The following LMAN1 variants were observed in gnomAD, a reference collection of about 807,000 sequenced individuals.
The protein encoded by LMAN1 is lectin, mannose binding 1.
Under a neutral mutation model 67.8 loss-of-function variants are expected in LMAN1, and 32 were observed. That is an observed-to-expected ratio of 0.47 (90% CI 0.36 to 0.63). The LOEUF (loss-of-function observed/expected upper bound fraction) is 0.63, where lower values mean the gene tolerates loss of function less well. Ranked by LOEUF, LMAN1 falls within the 30% of genes least tolerant of loss-of-function variation. The pLI is 0.00. For synonymous variants in LMAN1, 235 were observed against 219.3 expected (o/e 1.07, Z -0.63); for missense variants, 632 against 628.2 (o/e 1.01, Z -0.06).
At chr18:59,345,297 C>G (rs1356294667) in intron 8 of LMAN1, among the ~76,000 whole-genome samples, 1 of 151,636 alleles carries the variant, frequency 6.6e-6, no homozygotes, top group Non-Finnish European at 1.5e-5. Context: ...ATATAAATTC[C>G]CTCAATTTGG....
intron 8 of LMAN1, among the ~76,000 whole-genome samples, chr18:59,343,556 C>A (rs927561875): frequency 6.6e-6 from 1 of 152,030 alleles, no homozygotes; most frequent in African/African-American, 2.4e-5. Flanking sequence ...GGGGAAAGGA[C>A]ATCCTATTCA....
At chr18:59,351,690 G>GTT (rs1171015958) in intron 5 of LMAN1, 2 of 152,074 alleles carry the variant, frequency 1.3e-5, no homozygotes, top group African/African-American at 4.8e-5. Context: ...TGGGGAGTAC[G>GTT]TTTTGCAAGG....
intron 7 of LMAN1, 53 bp downstream of exon 7, chr18:59,347,460 A>G: frequency 1.5e-6 from 2 of 1,335,836 alleles, no homozygotes; most frequent in Non-Finnish European, 2.1e-6. Flanking sequence ...CAAAACGTTC[A>G]GCTAAAAGGC....
At chr18:59,351,199 T>C (rs1908536265) in intron 5 of LMAN1, among the ~76,000 whole-genome samples, 1 of 152,144 alleles carries the variant, frequency 6.6e-6, no homozygotes, top group African/African-American at 2.4e-5. Context: ...TTTACAATCA[T>C]ATTGATAAGA....
At chr18:59,342,788 G>C (rs922969212) in intron 8 of LMAN1, among the ~76,000 whole-genome samples, 12 of 151,878 alleles carry the variant, frequency 7.9e-5, no homozygotes, top group Admixed American at 2.0e-4. Flanking sequence ...CATAATACTA[G>C]AAGTCTTCAC....
rs1908735872 is a variant in LMAN1 at position 59,359,092 on chromosome 18, G to A, written c.153C>T (p.Ser51=). The part of the protein sequence containing the change: ...LPHRRFEYKY[S]FKGPHLVQSD... Reference sequence around the variant, plus strand: ...TCTGCACCAGGTGCGGCCCCTTGAAGCTGTATTTGTACTCGAAACGGCGAT... The same window carrying A: ...TCTGCACCAGGTGCGGCCCCTTGAAACTGTATTTGTACTCGAAACGGCGAT... The change falls in exon 1 of 13, where the codon AGC becomes AGT. Residue 51 remains serine, a synonymous_variant. Transcript: ENST00000251047. The A allele has an allele frequency of 6.2e-7, 1 of 1,613,982 alleles. No homozygotes were observed. Among genetic ancestry groups the A allele is most frequent in the South Asian group, 1.1e-5 (1 of 91,078 alleles).
rs1209369571 is a variant in LMAN1 at position 59,331,399 on chromosome 18, A to G, written c.1496+19T>C. 1 of 1,600,442 alleles carries G rather than the reference A, an allele frequency of 6.2e-7. No individual in the cohort carries two copies. The highest frequency in any genetic ancestry group is 8.6e-7 in the Non-Finnish European group (1 of 1,168,204). ...CAGATGCAGAAAAATATTGGGTCACATTTTATCAAGAGACTTACCTATACA... is the reference window on the plus strand; with the variant it reads ...CAGATGCAGAAAAATATTGGGTCACGTTTTATCAAGAGACTTACCTATACA... On this transcript the variant is annotated intron_variant, in intron 12 of 12. Coordinates refer to ENST00000251047, the MANE Select transcript of LMAN1 (RefSeq NM_005570.4).
At chr18:59,337,423 T>C (rs1166140108) in intron 10 of LMAN1, among the ~76,000 whole-genome samples, 3 of 152,140 alleles carry the variant, frequency 2.0e-5, no homozygotes, top group African/African-American at 7.2e-5. Context: ...CTGATAAATT[T>C]TGAATAGGTC....
rs564259373 is a variant in LMAN1 at position 59,351,221 on chromosome 18, T to C, written c.639+1981A>G. ...TCATATTGATAAGAAGAGATATACA[T>C]ATAGTTAATAAGCAAATCAGTACAA... On this transcript the variant is annotated intron_variant, in intron 5 of 12. Coordinates refer to ENST00000251047, the MANE Select transcript of LMAN1 (RefSeq NM_005570.4). Among the ~76,000 whole-genome samples, 3 of 152,242 alleles carry C rather than the reference T, an allele frequency of 2.0e-5. No homozygotes were observed. The East Asian group carries it at 5.8e-4, about 29-fold the overall frequency.
At position 59,333,646 on chromosome 18, in the gene LMAN1, G is replaced by C. The variant is rs181416958; in HGVS notation, c.1221-402C>G. On this transcript the variant is annotated intron_variant, in intron 10 of 12. Transcript: ENST00000251047. ...GGCACACTCACACACACACAGACTT[G>C]TCCGCTTTGTAGCTGCACATATAGA... The C allele has an allele frequency of 2.2e-5, 4 of 184,806 alleles. No homozygotes were observed. In the Admixed American group the frequency reaches 2.3e-4, roughly 11 times the overall value. 11.4% of individuals were successfully genotyped at this position (184,806 alleles called of 1,614,324 possible). A position where few individuals can be genotyped will look rare whatever the true frequency, so the allele number is the denominator to read the frequency against.
chr18:59,354,548 G>A lies in LMAN1; in HGVS notation c.510C>T (p.Asn170=). Residue 170 remains asparagine, a synonymous_variant, in exon 4 of 13, where the codon AAC becomes AAT. Coordinates refer to ENST00000251047, the MANE Select transcript of LMAN1 (RefSeq NM_005570.4). ...KNNPAIVIIG[N]NGQIHYDHQN... ...GATGGTCATAATGGATTTGTCCATT[G>A]TTGCCTATAATTACTATAGCAGGAT... 2 of 1,516,684 alleles carry A rather than the reference G, an allele frequency of 1.3e-6. No individual in the cohort carries two copies. The highest frequency in any genetic ancestry group is 1.8e-6 in the Non-Finnish European group (2 of 1,092,402). The allele number at this position is 1,516,684 out of a possible 1,614,324, so 94.0% of individuals were successfully genotyped here. A position where few individuals can be genotyped will look rare whatever the true frequency, so the allele number is the denominator to read the frequency against.
chr18:59,341,312 TAAC>T (rs1262300454), intron 8 of LMAN1, among the ~76,000 whole-genome samples: 2 of 151,684 alleles, frequency 1.3e-5, no homozygotes, highest in African/African-American at 4.8e-5. Flanking sequence ...GACAGAAAAA[TAAC>T]AAAGAAACAT....
intron 1 of LMAN1, 119 bp from the exon 2 acceptor site, chr18:59,355,777 A>G: frequency 8.8e-7 from 1 of 1,131,292 alleles, no homozygotes; most frequent in Non-Finnish European, 1.3e-6. Flanking sequence ...AATGATTTGG[A>G]AAAAATTTCA....
chr18:59,337,929 G>A (rs1211128297), intron 10 of LMAN1, among the ~76,000 whole-genome samples: 1 of 152,166 alleles, frequency 6.6e-6, no homozygotes, highest in East Asian at 1.9e-4. Flanking sequence ...GTTAGGTTAT[G>A]GAAACATGAC....
intron 8 of LMAN1, among the ~76,000 whole-genome samples, chr18:59,341,196 T>C (rs1188190489): frequency 6.6e-6 from 1 of 151,974 alleles, no homozygotes; most frequent in African/African-American, 2.4e-5. Flanking sequence ...CATTAGAGCA[T>C]CAAAATTCAG....
rs1908222564 is a variant in LMAN1 at position 59,338,839 on chromosome 18, T to A, written c.1070A>T (p.Asp357Val). Residue 357 changes from aspartate to valine, a missense_variant, in exon 9 of 13, where the codon GAT (aspartate) becomes GTT (valine). Asp to Val is a radical substitution (Grantham distance 152, BLOSUM62 -3). Transcript: ENST00000251047. ...QLNRQLDMIL[D>V]EQRRYVSSLT... is the part of the protein sequence containing the mutation. Reference sequence around the variant, plus strand: ...GGAAGAGACATATCTTCTCTGTTCATCAAGAATCATATCTAACTGCCGGTT... The same window carrying A: ...GGAAGAGACATATCTTCTCTGTTCAACAAGAATCATATCTAACTGCCGGTT... 6.2e-7 allele frequency: 1 copy of A among 1,613,918 alleles called. No individual in the cohort carries two copies. Among genetic ancestry groups the A allele is most frequent in the South Asian group, 1.1e-5 (1 of 91,086 alleles).
At chr18:59,358,189 C>G (rs1908705353) in intron 1 of LMAN1, among the ~76,000 whole-genome samples, 1 of 152,178 alleles carries the variant, frequency 6.6e-6, no homozygotes, top group African/African-American at 2.4e-5. Flanking sequence ...AGTAAATGCT[C>G]TAGCAAGGCT....
intron 1 of LMAN1, 148 bp from the exon 2 acceptor site, chr18:59,355,806 T>C: frequency 1.1e-6 from 1 of 899,970 alleles, no homozygotes; most frequent in Non-Finnish European, 1.7e-6. Context: ...GTTTTAACTT[T>C]AAAAGTTTAG....
intron 5 of LMAN1, among the ~76,000 whole-genome samples, chr18:59,349,960 C>T (rs1023925712): frequency 1.6e-4 from 24 of 152,144 alleles, no homozygotes; most frequent in Non-Finnish European, 3.5e-4. Flanking sequence ...GAGTCCCACC[C>T]TAAACAACAG....
Sources: gnomAD v4.1 joint callset for allele counts (sites outside exome capture counted in the v4.1 genomes callset) on GRCh38, gnomAD v4.1.1 for gene constraint, MANE v1.5 for transcripts, NCBI Gene and HGNC (gene_info 2026-07-23, HGNC 2026-07-21) for gene names.